SRPK2: variants seen among roughly 807,000 people sequenced by gnomAD.
The protein encoded by SRPK2 is SFRS protein kinase 2.
Under a neutral mutation model 90.8 loss-of-function variants are expected in SRPK2, and 21 were observed. The observed-to-expected ratio is 0.23, with a 90% CI of 0.16 to 0.33. The LOEUF is 0.33. Ranked by LOEUF, SRPK2 falls within the 10% of genes least tolerant of loss-of-function variation. The pLI, the probability that SRPK2 is intolerant of heterozygous loss-of-function variation, is 1.00. For synonymous variants in SRPK2, 288 were observed against 311.1 expected (o/e 0.93, Z 0.78); for missense variants, 620 against 869.0 (o/e 0.71, Z 3.60).
At chr7:105,310,664 T>A (rs1399466545) in intron 2 of SRPK2, among the ~76,000 whole-genome samples, 4 of 151,874 alleles carry the variant, frequency 2.6e-5, no homozygotes, top group African/African-American at 9.7e-5. Context: ...AATAAATAAA[T>A]AAATAAAATG....
At chr7:105,235,580 C>T (rs1164932552) in intron 2 of SRPK2, among the ~76,000 whole-genome samples, 2 of 152,110 alleles carry the variant, frequency 1.3e-5, no homozygotes. Context: ...TTAGCTTTTC[C>T]ATTTGGTTTT....
At chr7:105,328,607 G>T (rs969535410) in intron 2 of SRPK2, among the ~76,000 whole-genome samples, 2 of 148,282 alleles carry the variant, frequency 1.3e-5, no homozygotes, top group Non-Finnish European at 3.0e-5. Flanking sequence ...GCTCACACCT[G>T]TAATCCCAGC....
At chr7:105,304,751 A>G (rs1481662316) in intron 2 of SRPK2, among the ~76,000 whole-genome samples, 2 of 152,228 alleles carry the variant, frequency 1.3e-5, no homozygotes, top group Non-Finnish European at 2.9e-5. Context: ...TAGTATCATG[A>G]CTACAGGAAT....
At position 105,123,201 on chromosome 7, in the gene SRPK2, T is replaced by C. The variant is rs554971218; in HGVS notation, c.1915+3047A>G. 3.3e-5 allele frequency among the ~76,000 whole-genome samples: 5 copies of C among 152,308 alleles called. No homozygotes were observed. The South Asian group carries it at 1.0e-3, about 32-fold the overall frequency. On this transcript the variant is annotated intron_variant, in intron 15 of 15. Coordinates refer to ENST00000393651, the MANE Select transcript of SRPK2 (RefSeq NM_182692.3). ...ACCTTAAGAGGGTGAGAGCTGTAAT[T>C]ACATTCCCTGACCAAAAATACAGCT...
chr7:105,332,558 G>A (rs1047356672), intron 2 of SRPK2, among the ~76,000 whole-genome samples: 4 of 152,104 alleles, frequency 2.6e-5, no homozygotes, highest in African/African-American at 9.7e-5. Context: ...GAGGTCAGGA[G>A]TTCAAGACCA....
chr7:105,278,114 G>A (rs142037935), intron 2 of SRPK2, among the ~76,000 whole-genome samples: 6 of 152,012 alleles, frequency 3.9e-5, no homozygotes, highest in South Asian at 2.1e-4. Context: ...TCAGGAATTC[G>A]AAACCAGCCT....
chr7:105,301,471 C>T (rs1330545317), intron 2 of SRPK2: 14 of 992,286 alleles, frequency 1.4e-5, no homozygotes, highest in African/African-American at 8.0e-5. Flanking sequence ...GCTTTGTCTT[C>T]GTTGTTGCAA....
At chr7:105,291,867 G>A (rs1809073731) in intron 2 of SRPK2, among the ~76,000 whole-genome samples, 1 of 152,148 alleles carries the variant, frequency 6.6e-6, no homozygotes. Context: ...CATTTCTCAA[G>A]TTAGGGATTG....
intron 2 of SRPK2, among the ~76,000 whole-genome samples, chr7:105,250,925 G>A (rs1191099661): frequency 6.6e-6 from 1 of 152,020 alleles, no homozygotes; most frequent in Non-Finnish European, 1.5e-5. Flanking sequence ...TTTTCTTCAG[G>A]AGCTAGAGGT....
At chr7:105,366,749 A>G (rs80221780) in intron 2 of SRPK2, among the ~76,000 whole-genome samples, 5,920 of 152,336 alleles carry the variant, frequency 0.039, 408 homozygotes, top group African/African-American at 0.13. Flanking sequence ...TTTCACAAGA[A>G]GTGTGAGATT....
Position 105,116,383 on chromosome 7 carries a change from A to G in SRPK2, c.*1455T>C, listed in dbSNP as rs898513969. On this transcript the variant is annotated 3_prime_UTR_variant, in exon 16 of 16. Coordinates refer to ENST00000393651, the MANE Select transcript of SRPK2 (RefSeq NM_182692.3). ...AATGACCAAGGCAATGTCTGGAAAA[A>G]AAAAAACCAAAACACTTTAATTTTT... 1 of 152,550 alleles carries G rather than the reference A, an allele frequency of 6.6e-6. No individual in the cohort carries two copies. The highest frequency in any genetic ancestry group is 2.4e-5 in the African/African-American group (1 of 41,454). 9.4% of individuals were successfully genotyped at this position (152,550 alleles called of 1,614,324 possible).
intron 2 of SRPK2, among the ~76,000 whole-genome samples, chr7:105,275,878 T>G (rs2130696109): frequency 6.6e-6 from 1 of 152,322 alleles, no homozygotes; most frequent in Admixed American, 6.5e-5. Context: ...AACCTGGGCA[T>G]GAGGACCCTG....
chr7:105,313,980 G>C (rs569039038), intron 2 of SRPK2, among the ~76,000 whole-genome samples: 1 of 152,226 alleles, frequency 6.6e-6, no homozygotes, highest in Admixed American at 6.5e-5. Flanking sequence ...AAATTAAAAT[G>C]ACATCTATTT....
rs546091554 is a variant in SRPK2, at chr7:105,298,803, A to C, written c.71+89845T>G. On this transcript the variant is annotated intron_variant, in intron 2 of 15. Coordinates refer to ENST00000393651, the MANE Select transcript of SRPK2 (RefSeq NM_182692.3). ...ACAGAGCCCACCTCCCGCTGTAAGGAGGGCTTCACGCAGCCCTGCATCACA... is the reference window on the plus strand; with the variant it reads ...ACAGAGCCCACCTCCCGCTGTAAGGCGGGCTTCACGCAGCCCTGCATCACA... 1.5e-4 allele frequency: 146 copies of C among 985,548 alleles called. No individual in the cohort carries two copies. In the African/African-American group the frequency reaches 2.5e-3, roughly 17 times the overall value. The allele number at this position is 985,548 out of a possible 1,614,324, so 61.1% of individuals were successfully genotyped here. A position where few individuals can be genotyped will look rare whatever the true frequency, so the allele number is the denominator to read the frequency against.
intron 2 of SRPK2, among the ~76,000 whole-genome samples, chr7:105,228,639 T>TG (rs1167724064): frequency 7.9e-5 from 12 of 152,280 alleles, no homozygotes; most frequent in Admixed American, 3.9e-4. Flanking sequence ...ACACCCTCTC[T>TG]CAGGCCTCGG....
chr7:105,301,653 C>CT lies in SRPK2; in HGVS notation c.71+86994dup. 1.9e-6 allele frequency: 3 copies of CT among 1,611,502 alleles called. No homozygotes were observed. The Admixed American group carries it at 5.0e-5, about 27-fold the overall frequency. ...GTGAAAATGGTGATCCCAAAGCCTT[C>CT]TTAATAGAGATTTCCTGGACAGAAA... On this transcript the variant is annotated intron_variant, in intron 2 of 15. Transcript: ENST00000393651.
intron 15 of SRPK2, among the ~76,000 whole-genome samples, chr7:105,125,585 TGTTAGGAAG>T (rs1562956214): frequency 6.6e-6 from 1 of 152,214 alleles, no homozygotes; most frequent in African/African-American, 2.4e-5. Flanking sequence ...GAAAAAATGC[TGTTAGGAAG>T]GCTGTTCTCT....
At chr7:105,303,048 T>C (rs1265639681) in intron 2 of SRPK2, among the ~76,000 whole-genome samples, 5 of 151,718 alleles carry the variant, frequency 3.3e-5, no homozygotes, top group Non-Finnish European at 7.4e-5. Context: ...CACTCCAGCC[T>C]GGGCGACAGA....
chr7:105,308,022 A>G (rs893069638), intron 2 of SRPK2, among the ~76,000 whole-genome samples: 1 of 152,218 alleles, frequency 6.6e-6, no homozygotes, highest in Non-Finnish European at 1.5e-5. Context: ...AGTGCTTGGC[A>G]AAATGGGAGA....
Sources: allele counts gnomAD v4.1 joint callset (sites outside exome capture counted in the v4.1 genomes callset), GRCh38; gene constraint gnomAD v4.1.1; transcripts MANE v1.5; gene names NCBI Gene and HGNC (gene_info 2026-07-23, HGNC 2026-07-21).